Variants in MTCL1 observed in about 807,000 individuals in gnomAD.
The protein encoded by MTCL1 is microtubule cross-linking factor 1.
In MTCL1, 79 loss-of-function variants were observed where a neutral mutation model predicts 141.4. The ratio of observed to expected loss-of-function variants is 0.56; its 90% CI spans 0.47 to 0.67. The LOEUF (loss-of-function observed/expected upper bound fraction) is 0.67, where lower values mean the gene tolerates loss of function less well. MTCL1 is among the 30% of genes least tolerant of loss of function. The pLI, the probability that MTCL1 is intolerant of heterozygous loss-of-function variation, is 0.00. For missense variants in MTCL1, 2,177 were observed against 2,113.9 expected (o/e 1.03, Z -0.59); for synonymous variants, 914 against 875.8 (o/e 1.04, Z -0.77).
chr18:8,792,055 A>G (rs1033833642), intron 7 of MTCL1, among the ~76,000 whole-genome samples: 1 of 152,236 alleles, frequency 6.6e-6, no homozygotes, highest in Non-Finnish European at 1.5e-5. Flanking sequence ...AAGAACAAAC[A>G]GTATCCTCAG....
exon 6 of MTCL1, chr18:8,784,575 C>A: frequency 6.2e-7 from 1 of 1,609,654 alleles, no homozygotes; most frequent in Non-Finnish European, 8.5e-7. Flanking sequence ...CGGGGTGGTG[C>A]GCCCTTACCG....
intron 1 of MTCL1, 82 bp downstream of exon 1, chr18:8,706,795 C>T: frequency 6.6e-7 from 1 of 1,518,462 alleles, no homozygotes; most frequent in Non-Finnish European, 8.8e-7. Flanking sequence ...CCCCTCCTTC[C>T]CGGGCCTGTC....
At chr18:8,826,764 T>A (rs2077040808) in intron 15 of MTCL1, among the ~76,000 whole-genome samples, 1 of 152,164 alleles carries the variant, frequency 6.6e-6, no homozygotes, top group Non-Finnish European at 1.5e-5. Context: ...TCACTTACCC[T>A]CTTTGTGGCC....
chr18:8,812,196 A>T (rs1251607416), intron 11 of MTCL1, among the ~76,000 whole-genome samples: 1 of 152,234 alleles, frequency 6.6e-6, no homozygotes, highest in Non-Finnish European at 1.5e-5. Context: ...TTCTGTATAG[A>T]TCAAAGTGCC....
At chr18:8,731,073 A>G (rs576783779) in intron 4 of MTCL1, among the ~76,000 whole-genome samples, 204 of 151,532 alleles carry the variant, frequency 1.3e-3, no homozygotes, top group South Asian at 8.8e-3. Flanking sequence ...GTGAAACCCC[A>G]TCTCTACTAA....
chr18:8,765,723 G>A (rs1364690486), intron 4 of MTCL1, among the ~76,000 whole-genome samples: 1 of 152,164 alleles, frequency 6.6e-6, no homozygotes, highest in Non-Finnish European at 1.5e-5. Context: ...ATAAAATCGA[G>A]AACCGAAGCA....
In MTCL1 at chr18:8,788,900, T is replaced by C. The variant is rs143456885; in HGVS notation, c.1887+2809T>C. Among the ~76,000 whole-genome samples, 428 of 152,334 alleles carry C rather than the reference T, an allele frequency of 2.8e-3. 6 individuals carry two copies. Among genetic ancestry groups the C allele is most frequent in the Admixed American group, 1.8e-3 (28 of 15,310 alleles). On this transcript the variant is annotated intron_variant, in intron 7 of 16. Transcript: ENST00000359865. ...CTCTTCTCAGGAGATATTAGCGAGA[T>C]GCTCACACTGTGCACTGGACTCTTC...
chr18:8,811,269 G>C (rs2144205320), intron 11 of MTCL1: 1 of 152,396 alleles, frequency 6.6e-6, no homozygotes, highest in Admixed American at 6.5e-5. Flanking sequence ...GGGCGGAGGT[G>C]CCAGGCTCTT....
intron 7 of MTCL1, among the ~76,000 whole-genome samples, chr18:8,791,684 A>C (rs1015809655): frequency 6.6e-6 from 1 of 152,178 alleles, no homozygotes; most frequent in African/African-American, 2.4e-5. Context: ...TGGAAATGCA[A>C]AATTAGTCAT....
At chr18:8,795,246 C>G (rs1439190124) in intron 8 of MTCL1, among the ~76,000 whole-genome samples, 1 of 152,162 alleles carries the variant, frequency 6.6e-6, no homozygotes, top group African/African-American at 2.4e-5. Context: ...CCCATGGCCT[C>G]TGAGAATTAA....
intron 11 of MTCL1, chr18:8,809,693 G>A: frequency 1.5e-6 from 2 of 1,371,566 alleles, no homozygotes; most frequent in Non-Finnish European, 9.7e-7. Flanking sequence ...GGAGCAACAG[G>A]CACCTCGCAC....
In MTCL1 at chr18:8,777,735, T is replaced by C. The variant is rs1368079643; in HGVS notation, c.358-98T>C. 7.9e-6 allele frequency: 8 copies of C among 1,018,170 alleles called. No individual in the cohort carries two copies. In the East Asian group the frequency reaches 1.7e-4, roughly 22 times the overall value. The allele number at this position is 1,018,170 out of a possible 1,614,324, so 63.1% of individuals were successfully genotyped here. A position where few individuals can be genotyped will look rare whatever the true frequency, so the allele number is the denominator to read the frequency against. Reference sequence around the variant, plus strand: ...TGATTCTGGTGGGAAACAGCCTCCGTTCAGTGTGTGTGTCCCCACCCATGG... The same window carrying C: ...TGATTCTGGTGGGAAACAGCCTCCGCTCAGTGTGTGTGTCCCCACCCATGG... On this transcript the variant is annotated intron_variant, in intron 4 of 16. Coordinates refer to ENST00000359865, the Ensembl canonical transcript of MTCL1.
rs118186248 is a variant in MTCL1 at position 8,733,058 on chromosome 18, C to T, written c.357+12562C>T. Among the ~76,000 whole-genome samples the T allele has an allele frequency of 7.0e-3, 1,064 of 152,300 alleles. 9 individuals are homozygous for T. The highest frequency in any genetic ancestry group is 0.012 in the South Asian group (60 of 4,826). ...TGTACTGTTTAGCACTCAACAGTTG[C>T]GGGTAGACCGTTGCCAGTTGTTTTC... On this transcript the variant is annotated intron_variant, in intron 4 of 16. Coordinates refer to ENST00000359865, the Ensembl canonical transcript of MTCL1.
At chr18:8,750,498 C>A (rs532744376) in intron 4 of MTCL1, among the ~76,000 whole-genome samples, 1 of 152,160 alleles carries the variant, frequency 6.6e-6, no homozygotes, top group Non-Finnish European at 1.5e-5. Context: ...CTGGGCAGCT[C>A]GGGCCAGTGC....
In MTCL1 at chr18:8,786,110, T is replaced by TCCCCA; in HGVS notation, c.1887+23_1887+24insACCCC. The TCCCCA allele has an allele frequency of 1.5e-6, 2 of 1,310,348 alleles. No homozygotes were observed. Among genetic ancestry groups the TCCCCA allele is most frequent in the Non-Finnish European group, 2.0e-6 (2 of 990,148 alleles). The allele number at this position is 1,310,348 out of a possible 1,614,324, so 81.2% of individuals were successfully genotyped here. A position where few individuals can be genotyped will look rare whatever the true frequency, so the allele number is the denominator to read the frequency against. On this transcript the variant is annotated intron_variant, in intron 7 of 16. Transcript: ENST00000359865. ...CCTGGAGGTCAGCGTGGGCAAGCAA[T>TCCCCA]CCCCCCCCCCCGCCCTCCCCCTCCT... is the stretch of plus-strand genomic sequence containing the variant.
intron 4 of MTCL1, among the ~76,000 whole-genome samples, chr18:8,767,795 GA>G (rs546975757): frequency 7.9e-5 from 12 of 151,432 alleles, no homozygotes; most frequent in African/African-American, 2.2e-4. Flanking sequence ...TGGGGGAATG[GA>G]AAAAAAATCT....
upstream of MTCL1, among the ~76,000 whole-genome samples, chr18:8,714,986 C>T (rs966915202): frequency 3.5e-4 from 54 of 152,162 alleles, no homozygotes; most frequent in South Asian, 6.2e-4. Flanking sequence ...TTAGTAGAGA[C>T]AGGGTTTCAC....
chr18:8,716,308 T>G (rs1055478124), upstream of MTCL1, among the ~76,000 whole-genome samples: 1 of 152,168 alleles, frequency 6.6e-6, no homozygotes. Flanking sequence ...TGAGTCCTGG[T>G]CAAGTGAGTA....
chr18:8,716,501 A>G (rs1162332582), upstream of MTCL1, among the ~76,000 whole-genome samples: 1 of 144,946 alleles, frequency 6.9e-6, no homozygotes, highest in East Asian at 2.0e-4. Context: ...TCACATTTTT[A>G]TTTGTTGTGT....
Sources: gnomAD v4.1 joint callset for allele counts (sites outside exome capture counted in the v4.1 genomes callset) on GRCh38, gnomAD v4.1.1 for gene constraint, MANE v1.5 for transcripts, NCBI Gene and HGNC (gene_info 2026-07-23, HGNC 2026-07-21) for gene names.